The following LRP12 variants were observed in gnomAD, a reference collection of about 807,000 sequenced individuals.
LRP12 encodes low-density lipoprotein receptor-related protein 12.
LRP12 carries 14 observed loss-of-function variants against 66.0 expected under a neutral mutation model. The ratio of observed to expected loss-of-function variants is 0.21; its 90% CI spans 0.14 to 0.33. The LOEUF (loss-of-function observed/expected upper bound fraction) is 0.33. Among genes scored for constraint, LRP12 ranks in the 10% least tolerant of loss-of-function variants. The pLI is 1.00. For missense variants in LRP12, 889 were observed against 1,053.4 expected (o/e 0.84, Z 2.16); for synonymous variants, 357 against 359.1 (o/e 0.99, Z 0.07).
chr8:104,516,191 TA>T (rs1811070458), intron 2 of LRP12, among the ~76,000 whole-genome samples: 1 of 152,180 alleles, frequency 6.6e-6, no homozygotes, highest in Non-Finnish European at 1.5e-5. Context: ...AACCCAGAAA[TA>T]GAAATCCCCA....
chr8:104,530,062 ATTG>A (rs1811302359), intron 2 of LRP12, among the ~76,000 whole-genome samples: 1 of 150,932 alleles, frequency 6.6e-6, no homozygotes, highest in Non-Finnish European at 1.5e-5. Context: ...TGCTGTTCTT[ATTG>A]TTTTTTGTTT....
At chr8:104,573,473 C>G (rs768919812) in intron 1 of LRP12, among the ~76,000 whole-genome samples, 1 of 152,114 alleles carries the variant, frequency 6.6e-6, no homozygotes, top group Admixed American at 6.5e-5. Flanking sequence ...TACTGGCTTA[C>G]TTAATCCTAT....
intron 1 of LRP12, among the ~76,000 whole-genome samples, chr8:104,568,801 A>T (rs545159226): frequency 6.6e-4 from 101 of 152,306 alleles, no homozygotes; most frequent in African/African-American, 2.4e-3. Context: ...ATGTGGAGAG[A>T]CTGGAACCCT....
chr8:104,542,891 T>C (rs1811499428), intron 1 of LRP12, among the ~76,000 whole-genome samples: 1 of 151,648 alleles, frequency 6.6e-6, no homozygotes, highest in African/African-American at 2.4e-5. Flanking sequence ...GAGGAAGTGG[T>C]AGAGAAGGAG....
chr8:104,519,625 T>C (rs1811118846), intron 2 of LRP12, among the ~76,000 whole-genome samples: 1 of 151,894 alleles, frequency 6.6e-6, no homozygotes, highest in Non-Finnish European at 1.5e-5. Flanking sequence ...CTTGTAGCAA[T>C]ATTTACTAGT....
In LRP12 at chr8:104,491,031, C is replaced by G. The variant is rs148476233; in HGVS notation, c.2222G>C (p.Arg741Pro). ...GGAACTTGATCGTCCTAATGTAAAA[C>G]GTACCCAGCGTAGCCCCTGAGTCAT... Reference protein sequence around the residue: ...SRMTQGLRWVRFTLGRSSSLS... With the variant: ...SRMTQGLRWVPFTLGRSSSLS... The change falls in exon 7 of 7, where the codon CGT becomes CCT. Residue 741 changes from arginine (R) to proline (P), a missense_variant. Arg to Pro is a moderately radical substitution (Grantham distance 103). This residue lies in a region of LRP12 where 800 missense variants were observed against 964.5 expected (regional missense o/e 0.83). Transcript: ENST00000276654. The G allele has an allele frequency of 6.2e-7, 1 of 1,614,136 alleles. No homozygotes were observed.
intron 2 of LRP12, among the ~76,000 whole-genome samples, chr8:104,530,653 A>C (rs967673419): frequency 6.6e-6 from 1 of 152,210 alleles, no homozygotes; most frequent in African/African-American, 2.4e-5. Context: ...GTAGTTTTTA[A>C]AAGTTTATAA....
chr8:104,578,852 A>C (rs981370128), intron 1 of LRP12, among the ~76,000 whole-genome samples: 1 of 152,226 alleles, frequency 6.6e-6, no homozygotes, highest in Non-Finnish European at 1.5e-5. Flanking sequence ...ACAGATGCAG[A>C]AAGGGCTTTT....
intron 1 of LRP12, among the ~76,000 whole-genome samples, chr8:104,534,147 TAAAC>T (rs1390134150): frequency 6.6e-6 from 1 of 151,306 alleles, no homozygotes; most frequent in Non-Finnish European, 1.5e-5. Flanking sequence ...AAATATTCAA[TAAAC>T]AAATAATTAT....
At position 104,497,908 on chromosome 8, in the gene LRP12, C is replaced by A; in HGVS notation, c.644G>T (p.Cys215Phe). ...NPPTAAAFQPCAYNQFQCLSR... is the reference protein window; with the variant it reads ...NPPTAAAFQPFAYNQFQCLSR... ...TAAACACTGGAACTGGTTGTAAGCA[C>A]AGGGTTGAAAAGCAGCAGCAGTTGG... The change falls in exon 5 of 7, where the codon TGT becomes TTT. Residue 215 changes from cysteine (C) to phenylalanine (F), a missense_variant. By Grantham distance (205) the Cys-to-Phe change is radical. Coordinates refer to ENST00000276654, the MANE Select transcript of LRP12 (RefSeq NM_013437.5). This position sits in a 1 kb window ranked among gnomAD's most constrained non-coding sequence, Gnocchi z 4.3. 1 of 1,614,164 alleles carries A rather than the reference C, an allele frequency of 6.2e-7. No individual in the cohort carries two copies. Among genetic ancestry groups the A allele is most frequent in the South Asian group, 1.1e-5 (1 of 91,090 alleles).
At position 104,497,224 on chromosome 8, in the gene LRP12, G is replaced by A. The variant is rs758428487; in HGVS notation, c.1328C>T (p.Ser443Leu). 1 of 1,612,634 alleles carries A rather than the reference G, an allele frequency of 6.2e-7. No individual in the cohort carries two copies. Among genetic ancestry groups the A allele is most frequent in the Non-Finnish European group, 8.5e-7 (1 of 1,179,454 alleles). The change falls in exon 5 of 7, where the codon TCA becomes TTA. Residue 443 changes from serine (S) to leucine (L), a missense_variant. Ser to Leu is a moderately radical substitution (Grantham distance 145). Coordinates refer to ENST00000276654, the MANE Select transcript of LRP12 (RefSeq NM_013437.5). The surrounding 1 kb of genome is among the most constrained non-coding windows in gnomAD (Gnocchi z 4.3). ...CNYQNHCPNG[S>L]DEKNCFFCQP... ...GCAAAAAAAGCAGTTTTTTTCATCT[G>A]AGCCATTTGGGCAATGATTCTGGTA...
chr8:104,513,022 C>T (rs1811019873), intron 2 of LRP12, among the ~76,000 whole-genome samples: 1 of 152,032 alleles, frequency 6.6e-6, no homozygotes, highest in Non-Finnish European at 1.5e-5. Context: ...TCCAACATGA[C>T]TGAATTTGGA....
At chr8:104,496,883 C>A in intron 5 of LRP12, 89 bp downstream of exon 5, 2 of 1,297,862 alleles carry the variant, frequency 1.5e-6, no homozygotes, top group South Asian at 2.4e-5. Flanking sequence ...TAATATAAAA[C>A]AAAAATACAT....
chr8:104,553,313 T>C (rs1811755413), intron 1 of LRP12, among the ~76,000 whole-genome samples: 1 of 152,204 alleles, frequency 6.6e-6, no homozygotes, highest in Non-Finnish European at 1.5e-5. Context: ...AAAGCCCTGC[T>C]TGCTTTCTCA....
chr8:104,502,500 T>C (rs988156353), intron 3 of LRP12, among the ~76,000 whole-genome samples: 9 of 152,156 alleles, frequency 5.9e-5, no homozygotes, highest in African/African-American at 2.2e-4. Context: ...CCAGTTACTG[T>C]CCCATCCTCA....
At chr8:104,502,372 T>C (rs1412573354) in intron 3 of LRP12, among the ~76,000 whole-genome samples, 4 of 152,218 alleles carry the variant, frequency 2.6e-5, no homozygotes, top group Non-Finnish European at 4.4e-5. Flanking sequence ...AGCAGGTTCC[T>C]TGGAGTCTTC....
In LRP12 at chr8:104,552,067, C is replaced by T. The variant is rs183571532; in HGVS notation, c.80-20104G>A. ...AGCTAGGCATTCTTCCACGAGTGAA[C>T]GAAGTCAGAAAGCCACAAGTGGAAG... is the stretch of plus-strand genomic sequence containing the variant. On this transcript the variant is annotated intron_variant, in intron 1 of 6. Coordinates refer to ENST00000276654, the MANE Select transcript of LRP12 (RefSeq NM_013437.5). 2.3e-4 allele frequency among the ~76,000 whole-genome samples: 35 copies of T among 152,244 alleles called. No homozygotes were observed. The Middle Eastern group carries it at 0.01, about 44-fold the overall frequency.
intron 1 of LRP12, among the ~76,000 whole-genome samples, chr8:104,568,695 A>T (rs780679062): frequency 1.1e-4 from 16 of 152,154 alleles, no homozygotes; most frequent in Non-Finnish European, 2.1e-4. Flanking sequence ...ATCAGTACCC[A>T]TTAGGGAGAT....
chr8:104,539,854 A>T (rs1811448789), intron 1 of LRP12, among the ~76,000 whole-genome samples: 1 of 152,170 alleles, frequency 6.6e-6, no homozygotes, highest in African/African-American at 2.4e-5. Context: ...CTGTAGCCTG[A>T]TCATCACTTT....
Sources: allele counts gnomAD v4.1 joint callset (sites outside exome capture counted in the v4.1 genomes callset), GRCh38; gene constraint gnomAD v4.1.1; regional missense constraint gnomAD v4.1.1; non-coding constraint Gnocchi (gnomAD v3.1); transcripts MANE v1.5; gene names NCBI Gene and HGNC (gene_info 2026-07-23, HGNC 2026-07-21).